ADAMTSL3: variants seen among roughly 807,000 people sequenced by gnomAD.
The protein encoded by ADAMTSL3 is ADAMTS-like protein 3.
ADAMTSL3 carries 128 observed loss-of-function variants against 201.7 expected under a neutral mutation model. That is an observed-to-expected ratio of 0.63 (90% CI 0.55 to 0.73). The LOEUF (loss-of-function observed/expected upper bound fraction) is 0.73. ADAMTSL3 is among the 30% of genes least tolerant of loss of function. The pLI is 0.00. For synonymous variants in ADAMTSL3, 738 were observed against 748.4 expected (o/e 0.99, Z 0.23); for missense variants, 1,990 against 2,119.6 (o/e 0.94, Z 1.20).
intron 13 of ADAMTSL3, among the ~76,000 whole-genome samples, chr15:83,893,159 C>G (rs996004330): frequency 2.6e-5 from 4 of 152,090 alleles, no homozygotes; most frequent in Admixed American, 1.3e-4. Flanking sequence ...CTGTAAAGAA[C>G]AAATCTGTAA....
At chr15:83,663,098 G>C (rs1258295068) in intron 2 of ADAMTSL3, among the ~76,000 whole-genome samples, 1 of 152,122 alleles carries the variant, frequency 6.6e-6, no homozygotes, top group Non-Finnish European at 1.5e-5. Flanking sequence ...TAGTCTACCT[G>C]ACCCATAGGA....
intron 7 of ADAMTSL3, among the ~76,000 whole-genome samples, chr15:83,854,987 C>T (rs1221984310): frequency 6.6e-6 from 1 of 152,120 alleles, no homozygotes; most frequent in Non-Finnish European, 1.5e-5. Flanking sequence ...CCTGGCATTA[C>T]CTGGTTTTTC....
At chr15:83,893,555 T>A (rs8030907) in intron 13 of ADAMTSL3, among the ~76,000 whole-genome samples, 4,308 of 152,268 alleles carry the variant, frequency 0.028, 186 homozygotes, top group African/African-American at 0.1. Context: ...ACTAAGAACC[T>A]TCACAATTTT....
chr15:83,690,526 TC>T (rs1233696015), intron 2 of ADAMTSL3, among the ~76,000 whole-genome samples: 2 of 152,230 alleles, frequency 1.3e-5, no homozygotes, highest in Non-Finnish European at 2.9e-5. Context: ...TCCTACTTGT[TC>T]TTTACATCTC....
chr15:83,877,810 C>G (rs1439291124), intron 9 of ADAMTSL3, among the ~76,000 whole-genome samples: 1 of 151,972 alleles, frequency 6.6e-6, no homozygotes, highest in East Asian at 1.9e-4. Flanking sequence ...TCTTTTATTA[C>G]ATTTATTTTC....
At chr15:83,897,545 T>C (rs2065642031) in intron 13 of ADAMTSL3, among the ~76,000 whole-genome samples, 1 of 152,210 alleles carries the variant, frequency 6.6e-6, no homozygotes, top group African/African-American at 2.4e-5. Context: ...TAATCAAACT[T>C]GAGAAAACTT....
At position 83,728,547 on chromosome 15, in the gene ADAMTSL3, A is replaced by T. The variant is rs182131084; in HGVS notation, c.189+24039A>T. 4.7e-3 allele frequency among the ~76,000 whole-genome samples: 715 copies of T among 152,080 alleles called. 10 individuals carry two copies. Among genetic ancestry groups the T allele is most frequent in the African/African-American group, 0.017 (689 of 41,516 alleles). ...TTTGAGGTTACCATGAGGCTTACAA[A>T]TACTATCTGGTAACCCATTATTTTA... On this transcript the variant is annotated intron_variant, in intron 3 of 29. Coordinates refer to ENST00000286744, the MANE Select transcript of ADAMTSL3 (RefSeq NM_207517.3).
At chr15:83,675,390 CT>C (rs60081694) in intron 2 of ADAMTSL3, among the ~76,000 whole-genome samples, 10,581 of 151,958 alleles carry the variant, frequency 0.07, 431 homozygotes, top group East Asian at 0.14. Flanking sequence ...CATGATTTAT[CT>C]TTTTTTCTTT....
At chr15:83,996,316 G>C (rs1348373156) in intron 23 of ADAMTSL3, among the ~76,000 whole-genome samples, 2 of 152,110 alleles carry the variant, frequency 1.3e-5, no homozygotes, top group African/African-American at 4.8e-5. Flanking sequence ...TCAATAAGCT[G>C]TTATAAAAAA....
intron 3 of ADAMTSL3, among the ~76,000 whole-genome samples, chr15:83,722,218 T>C (rs1230360756): frequency 3.3e-5 from 5 of 152,088 alleles, no homozygotes. Context: ...AAAGTTCAGT[T>C]ACAGGGGATA....
chr15:83,926,637 G>A (rs1329729867), intron 17 of ADAMTSL3, among the ~76,000 whole-genome samples: 1 of 146,314 alleles, frequency 6.8e-6, no homozygotes, highest in Non-Finnish European at 1.5e-5. Flanking sequence ...TTTTGAGACG[G>A]AGTTTCGCTC....
intron 2 of ADAMTSL3, among the ~76,000 whole-genome samples, chr15:83,674,718 C>CATATGTACATATATACACAT (rs2061373542): frequency 3.1e-5 from 2 of 63,978 alleles, no homozygotes; most frequent in Admixed American, 4.3e-4. Flanking sequence ...TATATACACA[C>CATATGTACATATATACACAT]ATATATACAT....
chr15:83,974,639 T>C (rs1453919254), intron 20 of ADAMTSL3, among the ~76,000 whole-genome samples: 3 of 152,222 alleles, frequency 2.0e-5, no homozygotes, highest in Non-Finnish European at 4.4e-5. Context: ...ATTGTATTCA[T>C]GGACATTCTT....
intron 13 of ADAMTSL3, among the ~76,000 whole-genome samples, chr15:83,897,221 G>GA (rs1567221726): frequency 2.6e-5 from 4 of 151,514 alleles, no homozygotes; most frequent in Admixed American, 6.6e-5. Flanking sequence ...AATAATCCAA[G>GA]AAAAAAAATG....
At chr15:83,677,915 A>AT (rs1033465184) in intron 2 of ADAMTSL3, among the ~76,000 whole-genome samples, 4 of 140,774 alleles carry the variant, frequency 2.8e-5, no homozygotes, top group African/African-American at 1.1e-4. Flanking sequence ...TTGGATGTTG[A>AT]TTTTTCTATG....
At chr15:83,698,763 T>C (rs1446877513) in intron 2 of ADAMTSL3, among the ~76,000 whole-genome samples, 1 of 152,168 alleles carries the variant, frequency 6.6e-6, no homozygotes, top group Non-Finnish European at 1.5e-5. Context: ...CCAATTTTTC[T>C]AAGAAAAACT....
chr15:83,911,901 A>G (rs1346541409), intron 15 of ADAMTSL3, among the ~76,000 whole-genome samples: 4 of 152,192 alleles, frequency 2.6e-5, no homozygotes, highest in Admixed American at 6.5e-5. Context: ...ACAAGGGTCT[A>G]TATTCACTTA....
intron 3 of ADAMTSL3, among the ~76,000 whole-genome samples, chr15:83,764,760 T>G (rs1331408465): frequency 6.6e-6 from 1 of 151,972 alleles, no homozygotes; most frequent in Non-Finnish European, 1.5e-5. Flanking sequence ...TCCACTACCT[T>G]GGTAAATAGC....
chr15:83,704,642 G>A, intron 3 of ADAMTSL3, 134 bp downstream of exon 3: 1 of 1,188,992 alleles, frequency 8.4e-7, no homozygotes, highest in Non-Finnish European at 1.2e-6. Context: ...TGACACCCTT[G>A]AAGGATCCCA....
Sources: gnomAD v4.1 joint callset for allele counts (sites outside exome capture counted in the v4.1 genomes callset) on GRCh38, gnomAD v4.1.1 for gene constraint, MANE v1.5 for transcripts, NCBI Gene and HGNC (gene_info 2026-07-23, HGNC 2026-07-21) for gene names.